AFF1: variants seen among roughly 807,000 people sequenced by gnomAD.
The protein encoded by AFF1 is ALF transcription elongation factor 1.
A neutral mutation model predicts 121.7 loss-of-function variants in AFF1; 48 were observed. That is an observed-to-expected ratio of 0.39 (90% CI 0.31 to 0.50). AFF1 has a LOEUF of 0.50. AFF1 is among the 20% of genes least tolerant of loss of function. AFF1 has a pLI of 0.76. For missense variants in AFF1, 1,523 were observed against 1,511.7 expected, an observed-to-expected ratio of 1.01 and a Z score of -0.12; for synonymous variants, 613 against 563.0, an observed-to-expected ratio of 1.09 and a Z score of -1.26.
chr4:87,060,971 A>T (rs1290489811), intron 4 of AFF1, among the ~76,000 whole-genome samples: 1 of 151,988 alleles, frequency 6.6e-6, no homozygotes, highest in African/African-American at 2.4e-5. Flanking sequence ...GCACTAAAGG[A>T]TAAAACCGGT....
chr4:87,025,885 A>G (rs537495677), intron 2 of AFF1, among the ~76,000 whole-genome samples: 72 of 152,080 alleles, frequency 4.7e-4, no homozygotes, highest in South Asian at 1.5e-3. Context: ...CAGTTACTTG[A>G]CCTGTATTTG....
At chr4:86,966,065 C>CTT (rs568285746) in intron 2 of AFF1, among the ~76,000 whole-genome samples, 2,935 of 138,928 alleles carry the variant, frequency 0.021, 122 homozygotes, top group African/African-American at 0.073. Context: ...TTTTTCTTTC[C>CTT]TTTTTTTTTT....
intron 11 of AFF1, 113 bp downstream of exon 11, chr4:87,108,428 T>C: frequency 4.2e-6 from 5 of 1,181,342 alleles, no homozygotes; most frequent in Admixed American, 2.5e-5. Context: ...TTCTGTCCCA[T>C]GGGGCAATGC....
Position 87,054,427 on chromosome 4 carries a change from C to G in AFF1, c.1059+6833C>G, listed in dbSNP as rs1260305452. Among the ~76,000 whole-genome samples the G allele has an allele frequency of 5.9e-5, 9 of 152,322 alleles. No homozygotes were observed. In the South Asian group the frequency reaches 1.0e-3, roughly 18 times the overall value. On this transcript the variant is annotated intron_variant, in intron 4 of 20. Transcript: ENST00000395146. ...GAGTGGGATCCCCAAGACTCTCCTC[C>G]TCTTTTCCTCCGTAGCTCATGTTTT...
intron 7 of AFF1, among the ~76,000 whole-genome samples, chr4:87,093,070 A>G (rs1232640494): frequency 6.6e-6 from 1 of 152,184 alleles, no homozygotes; most frequent in Non-Finnish European, 1.5e-5. Context: ...CCTTTAGTCC[A>G]TTAAACCATT....
chr4:87,049,788 G>A, intron 4 of AFF1: 1 of 455,650 alleles, frequency 2.2e-6, no homozygotes. Context: ...GAACTGAGGG[G>A]GTCAGACAGA....
intron 2 of AFF1, among the ~76,000 whole-genome samples, chr4:86,958,438 C>A (rs1250753619): frequency 2.0e-5 from 3 of 152,034 alleles, no homozygotes; most frequent in African/African-American, 4.8e-5. Context: ...TTGTTTTTAG[C>A]CAGGTGCGGT....
intron 2 of AFF1, among the ~76,000 whole-genome samples, chr4:86,966,509 A>G (rs1722549631): frequency 6.6e-6 from 1 of 152,032 alleles, no homozygotes; most frequent in South Asian, 2.1e-4. Context: ...TGCATTTTCA[A>G]GCCAGGAAAG....
At chr4:87,017,192 A>G (rs1727390356) in intron 2 of AFF1, among the ~76,000 whole-genome samples, 2 of 150,982 alleles carry the variant, frequency 1.3e-5, no homozygotes, top group Non-Finnish European at 2.9e-5. Flanking sequence ...AGAAAATGCC[A>G]AACAGTTTTT....
chr4:87,124,074 C>T (rs1407920682), intron 12 of AFF1, among the ~76,000 whole-genome samples: 1 of 152,204 alleles, frequency 6.6e-6, no homozygotes, highest in Non-Finnish European at 1.5e-5. Flanking sequence ...GCATGTCAGA[C>T]TCCTTAGAAA....
At chr4:87,008,982 A>G (rs1726455684) in intron 2 of AFF1, among the ~76,000 whole-genome samples, 1 of 143,918 alleles carries the variant, frequency 6.9e-6, no homozygotes, top group African/African-American at 2.6e-5. Context: ...TAAGATTAAG[A>G]TACCTTGATC....
intron 6 of AFF1, among the ~76,000 whole-genome samples, chr4:87,091,008 G>A (rs1260541546): frequency 2.8e-5 from 3 of 107,306 alleles, no homozygotes; most frequent in East Asian, 2.9e-4. Context: ...GTGAGACCCC[G>A]TCTCTCTACC....
At chr4:87,062,780 T>TAA (rs1720913403) in intron 4 of AFF1, among the ~76,000 whole-genome samples, 1 of 152,206 alleles carries the variant, frequency 6.6e-6, no homozygotes, top group Admixed American at 6.5e-5. Flanking sequence ...TGGGTACTTA[T>TAA]TTATAACTAG....
At chr4:86,984,108 ATTAC>A (rs1220063050) in intron 2 of AFF1, among the ~76,000 whole-genome samples, 3 of 152,194 alleles carry the variant, frequency 2.0e-5, no homozygotes, top group Admixed American at 2.0e-4. Flanking sequence ...CCTACTAAAT[ATTAC>A]TTTTTTCATT....
intron 7 of AFF1, among the ~76,000 whole-genome samples, chr4:87,094,067 G>A (rs1173650579): frequency 1.3e-5 from 2 of 151,914 alleles, no homozygotes; most frequent in Non-Finnish European, 2.9e-5. Flanking sequence ...ATCTGCTTCC[G>A]CCTGTTTCAG....
At chr4:87,072,583 A>G (rs1448495704) in intron 4 of AFF1, among the ~76,000 whole-genome samples, 1 of 151,852 alleles carries the variant, frequency 6.6e-6, no homozygotes, top group East Asian at 1.9e-4. Context: ...GTGCAGTGGC[A>G]CGATCTCAGC....
At chr4:86,989,504 G>A (rs967210644) in intron 2 of AFF1, among the ~76,000 whole-genome samples, 3 of 152,144 alleles carry the variant, frequency 2.0e-5, no homozygotes, top group Admixed American at 6.6e-5. Flanking sequence ...TTAGAATGAT[G>A]ATCATTAAAA....
At chr4:87,133,474 G>T (rs138458128) in intron 19 of AFF1, among the ~76,000 whole-genome samples, 8 of 152,286 alleles carry the variant, frequency 5.3e-5, no homozygotes, top group Non-Finnish European at 8.8e-5. Flanking sequence ...AAGCAACTTC[G>T]TATTACCTCT....
At chr4:87,012,219 TG>T (rs201819282) in intron 2 of AFF1, among the ~76,000 whole-genome samples, 25,834 of 114,256 alleles carry the variant, frequency 0.23, 3,541 homozygotes, top group South Asian at 0.45. Flanking sequence ...TTTCATTTCT[TG>T]TTTTTTTTTT....
Sources: gnomAD v4.1 joint callset for allele counts (sites outside exome capture counted in the v4.1 genomes callset) on GRCh38, gnomAD v4.1.1 for gene constraint, MANE v1.5 for transcripts, NCBI Gene and HGNC (gene_info 2026-07-23, HGNC 2026-07-21) for gene names.